Variants in PPA1 observed in about 807,000 individuals in gnomAD.
The protein encoded by PPA1 is inorganic pyrophosphatase.
Under a neutral mutation model 41.8 loss-of-function variants are expected in PPA1, and 23 were observed. The observed-to-expected ratio is 0.55, with a 90% CI of 0.40 to 0.78. The LOEUF is 0.78. PPA1 is among the 30% of genes least tolerant of loss of function. PPA1 has a pLI of 0.00. For missense variants in PPA1, 320 were observed against 361.6 expected (o/e 0.89, Z 0.93); for synonymous variants, 101 against 116.8 (o/e 0.86, Z 0.87).
chr10:70,215,425 T>G (rs1284963361), intron 4 of PPA1, among the ~76,000 whole-genome samples: 1 of 151,970 alleles, frequency 6.6e-6, no homozygotes. Context: ...AAAACAGAAG[T>G]AGATAGGCAA....
In PPA1 at chr10:70,233,292, G is replaced by C; in HGVS notation, c.36C>G (p.Pro12=). 6.5e-7 allele frequency: 1 copy of C among 1,543,036 alleles called. No individual in the cohort carries two copies. Among genetic ancestry groups the C allele is most frequent in the South Asian group, 1.2e-5 (1 of 82,982 alleles). Residue 12 remains proline, a synonymous_variant, in exon 1 of 11, where the codon CCC becomes CCG. Transcript: ENST00000373232. ...SGFSTEERAA[P]FSLEYRVFLK... Reference sequence around the variant, plus strand: ...GGAAGACTCGGTACTCCAGGGAGAAGGGCGCGGCGCGCTCCTCGGTGCTGA... The same window carrying C: ...GGAAGACTCGGTACTCCAGGGAGAACGGCGCGGCGCGCTCCTCGGTGCTGA...
At chr10:70,230,226 G>T (rs775858911) in intron 2 of PPA1, 115 bp downstream of exon 2, 41 of 1,242,358 alleles carry the variant, frequency 3.3e-5, no homozygotes, top group Admixed American at 2.0e-4. Flanking sequence ...CAGACCTTTA[G>T]CTCACAGCAC....
chr10:70,233,170 G>GGGGCCGAGCGC, intron 1 of PPA1, 94 bp downstream of exon 1: 1 of 1,377,398 alleles, frequency 7.3e-7, no homozygotes, highest in Non-Finnish European at 9.7e-7. Flanking sequence ...TCGGAGACCT[G>GGGGCCGAGCGC]GGGCCGAGCG....
At chr10:70,221,028 A>C (rs1194254767) in intron 2 of PPA1, among the ~76,000 whole-genome samples, 6 of 68,610 alleles carry the variant, frequency 8.7e-5, no homozygotes, top group Admixed American at 2.4e-4. Context: ...TATATATATA[A>C]TATATATATA....
At chr10:70,219,415 T>A (rs1477059562) in intron 2 of PPA1, among the ~76,000 whole-genome samples, 1 of 152,198 alleles carries the variant, frequency 6.6e-6, no homozygotes, top group Admixed American at 6.5e-5. Flanking sequence ...TTTTTGGAGC[T>A]TCTATTTCAG....
In PPA1 at chr10:70,230,331, G is replaced by T. The variant is rs773377918; in HGVS notation, c.123+10C>A. On this transcript the variant is annotated intron_variant, in intron 2 of 10. Coordinates refer to ENST00000373232, the MANE Select transcript of PPA1 (RefSeq NM_021129.4). ...TAAAGAGACTGTGTCCAAAAACAAGGATGCCTTACCTTATCTGCATAAATT... is the reference window on the plus strand; with the variant it reads ...TAAAGAGACTGTGTCCAAAAACAAGTATGCCTTACCTTATCTGCATAAATT... 2.2e-5 allele frequency: 36 copies of T among 1,612,582 alleles called. No homozygotes were observed. The highest frequency in any genetic ancestry group is 3.0e-5 in the Non-Finnish European group (35 of 1,179,312).
chr10:70,220,956 A>G lies in PPA1; in HGVS notation c.124-2139T>C, dbSNP rs867337251. Among the ~76,000 whole-genome samples the G allele has an allele frequency of 5.1e-3, 37 of 7,284 alleles. 1 individual carries two copies. The highest frequency in any genetic ancestry group is 9.2e-3 in the Non-Finnish European group (36 of 3,916). The allele number at this position is 7,284 out of a possible 152,430, so 4.8% of individuals were successfully genotyped here. A position where few individuals can be genotyped will look rare whatever the true frequency, so the allele number is the denominator to read the frequency against. On this transcript the variant is annotated intron_variant, in intron 2 of 10. Coordinates refer to ENST00000373232, the MANE Select transcript of PPA1 (RefSeq NM_021129.4). ...ATACTATATATATAATTTATATATA[A>G]TATATATAATTTTTATATATATACT...
At chr10:70,215,602 TC>T (rs1448571274) in intron 4 of PPA1, among the ~76,000 whole-genome samples, 3 of 152,116 alleles carry the variant, frequency 2.0e-5, no homozygotes, top group Non-Finnish European at 4.4e-5. Flanking sequence ...TGTCTCAGCC[TC>T]CTGAGTTGCT....
In PPA1 at chr10:70,233,341, T is replaced by A; in HGVS notation, c.-14A>T. 6.5e-7 allele frequency: 1 copy of A among 1,533,418 alleles called. No homozygotes were observed. The highest frequency in any genetic ancestry group is 8.8e-7 in the Non-Finnish European group (1 of 1,142,076). The allele number at this position is 1,533,418 out of a possible 1,614,324, so 95.0% of individuals were successfully genotyped here. A position where few individuals can be genotyped will look rare whatever the true frequency, so the allele number is the denominator to read the frequency against. Reference sequence around the variant, plus strand: ...GAAGCCGCTCATAGTGCCGGAGTCCTGCCGCCGCCGCTGCCACAGAGCCAC... The same window carrying A: ...GAAGCCGCTCATAGTGCCGGAGTCCAGCCGCCGCCGCTGCCACAGAGCCAC... On this transcript the variant is annotated 5_prime_UTR_variant, in exon 1 of 11. Transcript: ENST00000373232.
intron 3 of PPA1, 104 bp from the exon 4 acceptor site, chr10:70,218,035 T>C: frequency 9.4e-7 from 1 of 1,062,500 alleles, no homozygotes; most frequent in Non-Finnish European, 1.3e-6. Flanking sequence ...CTAATTCCAC[T>C]TTAATGATAT....
At position 70,226,107 on chromosome 10, in the gene PPA1, TTAAAG is replaced by T. The variant is rs532165654; in HGVS notation, c.123+4229_123+4233del. Among the ~76,000 whole-genome samples the T allele has an allele frequency of 2.5e-3, 376 of 152,320 alleles. 1 individual carries two copies. Among genetic ancestry groups the T allele is most frequent in the Middle Eastern group, 6.8e-3 (2 of 294 alleles). On this transcript the variant is annotated intron_variant, in intron 2 of 10. Transcript: ENST00000373232. Reference sequence around the variant, plus strand: ...GATTCCAAGGGAGATCATTAACTTATTAAAGTAAAGAAATTAAAACACATACACAC... The same window carrying T: ...GATTCCAAGGGAGATCATTAACTTATTAAAGAAATTAAAACACATACACAC...
chr10:70,210,419 A>G, intron 6 of PPA1: 1 of 1,364,490 alleles, frequency 7.3e-7, no homozygotes, highest in South Asian at 1.1e-5. Flanking sequence ...ACTATTACAT[A>G]CTAAAAGATA....
Position 70,220,787 on chromosome 10 carries a change from TTA to T in PPA1, c.124-1972_124-1971del, listed in dbSNP as rs1312148903. On this transcript the variant is annotated intron_variant, in intron 2 of 10. Transcript: ENST00000373232. The stretch of plus-strand genomic sequence containing the variant: ...TTTATATATATATAATATATATAAT[TTA>T]TATATATATAATATATATAATTTTT... Among the ~76,000 whole-genome samples, 9 of 8,834 alleles carry T rather than the reference TTA, an allele frequency of 1.0e-3. 3 individuals are homozygous for T. Among genetic ancestry groups the T allele is most frequent in the Non-Finnish European group, 1.5e-3 (8 of 5,332 alleles). The allele number at this position is 8,834 out of a possible 152,430, so 5.8% of individuals were successfully genotyped here. A position where few individuals can be genotyped will look rare whatever the true frequency, so the allele number is the denominator to read the frequency against.
intron 2 of PPA1, among the ~76,000 whole-genome samples, chr10:70,222,356 A>G (rs1231052311): frequency 2.0e-5 from 3 of 151,534 alleles, no homozygotes; most frequent in East Asian, 1.9e-4. Flanking sequence ...AAAAAAAAAA[A>G]AAAGAAATTA....
At chr10:70,226,413 G>T (rs1266929329) in intron 2 of PPA1, among the ~76,000 whole-genome samples, 3 of 151,968 alleles carry the variant, frequency 2.0e-5, no homozygotes, top group Admixed American at 6.6e-5. Context: ...AAAAAAATTA[G>T]CCAGGTACGG....
intron 2 of PPA1, among the ~76,000 whole-genome samples, chr10:70,224,240 T>C (rs1467680379): frequency 8.2e-6 from 1 of 121,916 alleles, no homozygotes; most frequent in African/African-American, 3.3e-5. Flanking sequence ...ACAGACCCTG[T>C]CTCTACAAAA....
intron 6 of PPA1, 129 bp downstream of exon 6, chr10:70,213,334 G>C: frequency 9.1e-7 from 1 of 1,103,748 alleles, no homozygotes; most frequent in Non-Finnish European, 1.3e-6. Context: ...AATAATGCTT[G>C]TCCAGTGCTT....
intron 6 of PPA1, among the ~76,000 whole-genome samples, chr10:70,212,823 C>CAA (rs59163604): frequency 6.4e-5 from 8 of 124,158 alleles, no homozygotes; most frequent in South Asian, 2.7e-4. Flanking sequence ...AATTTACCAC[C>CAA]AAAAAAAAAA....
intron 2 of PPA1, among the ~76,000 whole-genome samples, chr10:70,220,253 C>CTT (rs33951004): frequency 8.3e-5 from 10 of 119,894 alleles, no homozygotes; most frequent in African/African-American, 3.2e-4. Context: ...ATAAAAAGTA[C>CTT]TTTTTTTTTT....
Sources: gnomAD v4.1 joint callset for allele counts (sites outside exome capture counted in the v4.1 genomes callset) on GRCh38, gnomAD v4.1.1 for gene constraint, MANE v1.5 for transcripts, NCBI Gene and HGNC (gene_info 2026-07-23, HGNC 2026-07-21) for gene names.